The following PCDHGA3 variants were observed in gnomAD, a reference collection of about 807,000 sequenced individuals.
PCDHGA3 encodes the protein protocadherin gamma-A3.
A neutral mutation model predicts 58.5 loss-of-function variants in PCDHGA3; 40 were observed. That is an observed-to-expected ratio of 0.68 (90% CI 0.53 to 0.89). The LOEUF (loss-of-function observed/expected upper bound fraction) is 0.89, where lower values mean the gene tolerates loss of function less well. Ranked by LOEUF, PCDHGA3 falls within the 40% of genes least tolerant of loss-of-function variation. The pLI is 0.00. For missense variants in PCDHGA3, 1,223 were observed against 1,195.9 expected (o/e 1.02, Z -0.33); for synonymous variants, 530 against 525.7 (o/e 1.01, Z -0.11).
At chr5:141,362,410 C>G (rs374650665) in intron 1 of PCDHGA3, 14 of 1,613,916 alleles carry the variant, frequency 8.7e-6, no homozygotes, top group Non-Finnish European at 1.2e-5. Flanking sequence ...TGTTGCCTCA[C>G]AATCAGCCAA....
chr5:141,371,249 C>A, intron 1 of PCDHGA3: 1 of 1,613,988 alleles, frequency 6.2e-7, no homozygotes, highest in Admixed American at 1.7e-5. Flanking sequence ...TCAATATTGG[C>A]AAGGAAGTGA....
intron 1 of PCDHGA3, among the ~76,000 whole-genome samples, chr5:141,406,193 C>T (rs2094777569): frequency 1.3e-5 from 2 of 151,820 alleles, no homozygotes. Flanking sequence ...CCACCTCAGC[C>T]TTCACAGTAG....
rs1364068033 is a variant in PCDHGA3 at position 141,490,353 on chromosome 5, G to A, written c.2425-4454G>A. 3.1e-6 allele frequency: 5 copies of A among 1,614,090 alleles called. No individual in the cohort carries two copies. The highest frequency in any genetic ancestry group is 4.2e-6 in the Non-Finnish European group (5 of 1,180,046). On this transcript the variant is annotated intron_variant, in intron 1 of 3. Transcript: ENST00000253812. This position sits in a 1 kb window ranked among gnomAD's most constrained non-coding sequence, Gnocchi z 5.4. ...CACCAGTGGGCACAGTAGTGGGGTT[G>A]TTTAATGTGCGAGACCGGGACTCAG...
rs749769645 is a variant in PCDHGA3, at chr5:141,376,049, G to A, written c.2424+29592G>A. On this transcript the variant is annotated intron_variant, in intron 1 of 3. Transcript: ENST00000253812. ...GGACCACGGCCAGCCCCCTCTCTCCGCCACTGTCACGCTCACCGTGGCCGT... is the reference window on the plus strand; with the variant it reads ...GGACCACGGCCAGCCCCCTCTCTCCACCACTGTCACGCTCACCGTGGCCGT... The A allele has an allele frequency of 1.9e-5, 31 of 1,613,116 alleles. No homozygotes were observed. The highest frequency in any genetic ancestry group is 2.2e-5 in the East Asian group (1 of 44,870).
At chr5:141,389,069 T>A in intron 1 of PCDHGA3, 1 of 1,614,016 alleles carries the variant, frequency 6.2e-7, no homozygotes, top group Non-Finnish European at 8.5e-7. Flanking sequence ...TATTAACTTC[T>A]TCAAGAAACA....
At chr5:141,395,032 T>C (rs1561652708) in intron 1 of PCDHGA3, 1 of 1,614,068 alleles carries the variant, frequency 6.2e-7, no homozygotes. Context: ...GCCTCACATT[T>C]TGTGGGTGTT....
intron 1 of PCDHGA3, among the ~76,000 whole-genome samples, chr5:141,369,555 A>C (rs1302531724): frequency 6.6e-6 from 1 of 152,218 alleles, no homozygotes; most frequent in Non-Finnish European, 1.5e-5. Flanking sequence ...AGACACTTGG[A>C]AACAAAGGAA....
In PCDHGA3 at chr5:141,370,930, CTT is replaced by C. The variant is rs762522894; in HGVS notation, c.2424+24475_2424+24476del. Reference sequence around the variant, plus strand: ...TACCTCAGCCCTGATCCGCACTTCTCTTTGATTCAGAAGGAGAACCTGGATGG... The same window carrying C: ...TACCTCAGCCCTGATCCGCACTTCTCTGATTCAGAAGGAGAACCTGGATGG... On this transcript the variant is annotated intron_variant, in intron 1 of 3. Transcript: ENST00000253812. The C allele has an allele frequency of 1.1e-5, 18 of 1,613,894 alleles. No homozygotes were observed. In the African/African-American group the frequency reaches 2.1e-4, roughly 19 times the overall value.
chr5:141,415,977 C>A (rs1479258110), intron 1 of PCDHGA3: 2 of 354,488 alleles, frequency 5.6e-6, no homozygotes, highest in Non-Finnish European at 9.4e-6. Context: ...CCTTAAGCAA[C>A]CCTCTTGTTC....
intron 1 of PCDHGA3, among the ~76,000 whole-genome samples, chr5:141,359,096 T>C (rs1761115618): frequency 1.3e-5 from 2 of 152,222 alleles, no homozygotes; most frequent in Non-Finnish European, 2.9e-5. Context: ...TTCTACATGG[T>C]TTTGTATTCA....
At position 141,476,668 on chromosome 5, in the gene PCDHGA3, G is replaced by A; in HGVS notation, c.2425-18139G>A. The A allele has an allele frequency of 6.2e-7, 1 of 1,614,262 alleles. No individual in the cohort carries two copies. Among genetic ancestry groups the A allele is most frequent in the Non-Finnish European group, 8.5e-7 (1 of 1,180,054 alleles). On this transcript the variant is annotated intron_variant, in intron 1 of 3. Transcript: ENST00000253812. This position sits in a 1 kb window ranked among gnomAD's most constrained non-coding sequence, Gnocchi z 7.6. ...GAAATGAATACTTTGCGCTTCGCGT[G>A]CAGACGCGGGAGGACAGCACCAAGT...
At chr5:141,473,236 A>G (rs1314160781) in intron 1 of PCDHGA3, among the ~76,000 whole-genome samples, 1 of 152,200 alleles carries the variant, frequency 6.6e-6, no homozygotes, top group Non-Finnish European at 1.5e-5. Flanking sequence ...GGATCCACAC[A>G]AGTGAATACA....
rs1330713312 is a variant in PCDHGA3 at position 141,414,559 on chromosome 5, T to G, written c.2424+68102T>G. The stretch of plus-strand genomic sequence containing the variant: ...ACCTACCTTCTCTCAAGTCTCCTAC[T>G]TTACCTATATCCCAGAGAACAACGC... On this transcript the variant is annotated intron_variant, in intron 1 of 3. Coordinates refer to ENST00000253812, the MANE Select transcript of PCDHGA3 (RefSeq NM_018916.4). 5.0e-6 allele frequency: 8 copies of G among 1,613,782 alleles called. No homozygotes were observed. The Admixed American group carries it at 1.0e-4, about 20-fold the overall frequency.
intron 1 of PCDHGA3, chr5:141,383,720 A>T (rs963032230): frequency 1.2e-5 from 19 of 1,613,888 alleles, no homozygotes; most frequent in Non-Finnish European, 1.6e-5. Flanking sequence ...GAGGGAGTCA[A>T]TGGGGAAGTG....
chr5:141,419,316 G>C (rs775328616), intron 1 of PCDHGA3: 2 of 1,613,876 alleles, frequency 1.2e-6, no homozygotes, highest in African/African-American at 1.3e-5. Flanking sequence ...CTCAACGGCC[G>C]TGTCTCCTAC....
At position 141,489,108 on chromosome 5, in the gene PCDHGA3, A is replaced by C; in HGVS notation, c.2425-5699A>C. The C allele has an allele frequency of 2.0e-6, 1 of 489,086 alleles. No individual in the cohort carries two copies. The highest frequency in any genetic ancestry group is 3.5e-6 in the Non-Finnish European group (1 of 287,626). 30.3% of individuals were successfully genotyped at this position (489,086 alleles called of 1,614,324 possible). On this transcript the variant is annotated intron_variant, in intron 1 of 3. Transcript: ENST00000253812. This position sits in a 1 kb window ranked among gnomAD's most constrained non-coding sequence, Gnocchi z 4.5. The stretch of plus-strand genomic sequence containing the variant: ...TCGGTGACTAAGAACTGCTGCAAGC[A>C]GGCAAACCTCCGAGCAGTTTTTAAG...
At chr5:141,354,787 T>C (rs1473685855) in intron 1 of PCDHGA3, among the ~76,000 whole-genome samples, 2 of 152,328 alleles carry the variant, frequency 1.3e-5, no homozygotes, top group Admixed American at 6.5e-5. Context: ...ATATTTTCTC[T>C]AAGAAAATAA....
chr5:141,361,971 C>G (rs766740783), intron 1 of PCDHGA3: 1 of 1,601,080 alleles, frequency 6.2e-7, no homozygotes, highest in South Asian at 1.1e-5. Context: ...TGCAGGCCAG[C>G]GAGCCCGGGC....
intron 1 of PCDHGA3, chr5:141,403,123 G>A: frequency 6.2e-7 from 1 of 1,614,066 alleles, no homozygotes; most frequent in Non-Finnish European, 8.5e-7. Context: ...TGGAGCCCCG[G>A]GAGCTGGCGG....
Sources: gnomAD v4.1 joint callset for allele counts (sites outside exome capture counted in the v4.1 genomes callset) on GRCh38, gnomAD v4.1.1 for gene constraint, Gnocchi (gnomAD v3.1) non-coding constraint, MANE v1.5 for transcripts, NCBI Gene and HGNC (gene_info 2026-07-23, HGNC 2026-07-21) for gene names.